Variants in RBFOX3 observed in about 807,000 individuals in gnomAD.
The protein encoded by RBFOX3 is RNA binding fox-1 homolog 3, also known as RNA binding protein fox-1 homolog 3.
In RBFOX3, 17 loss-of-function variants were observed where a neutral mutation model predicts 48.7. That is an observed-to-expected ratio of 0.35 (90% CI 0.24 to 0.52). The LOEUF is 0.52. Among genes scored for constraint, RBFOX3 ranks in the 20% least tolerant of loss-of-function variants. The pLI is 0.94. For synonymous variants in RBFOX3, 212 were observed against 209.5 expected (o/e 1.01, Z -0.10); for missense variants, 382 against 497.5 (o/e 0.77, Z 2.21).
intron 2 of RBFOX3, among the ~76,000 whole-genome samples, chr17:79,331,847 T>C (rs1260864403): frequency 6.6e-6 from 1 of 152,174 alleles, no homozygotes; most frequent in Non-Finnish European, 1.5e-5. Flanking sequence ...TTCGACTATT[T>C]TTCTCAATGC....
chr17:79,263,151 G>A (rs62062909), intron 3 of RBFOX3, among the ~76,000 whole-genome samples: 129 of 152,218 alleles, frequency 8.5e-4, no homozygotes, highest in Middle Eastern at 3.2e-3. Flanking sequence ...TGACCCAAGT[G>A]GATGCTGGGG....
intron 3 of RBFOX3, among the ~76,000 whole-genome samples, chr17:79,270,002 C>T (rs1293274031): frequency 6.6e-6 from 1 of 152,092 alleles, no homozygotes; most frequent in Non-Finnish European, 1.5e-5. Context: ...CTCCATTCAG[C>T]GAGCATCTGT....
intron 1 of RBFOX3, among the ~76,000 whole-genome samples, chr17:79,564,968 G>C (rs1367653843): frequency 6.7e-6 from 1 of 150,192 alleles, no homozygotes; most frequent in Non-Finnish European, 1.5e-5. Flanking sequence ...TTGAACCCGG[G>C]AGGCGGAGTT....
At chr17:79,512,604 G>C (rs1439976295) in intron 1 of RBFOX3, among the ~76,000 whole-genome samples, 1 of 138,018 alleles carries the variant, frequency 7.2e-6, no homozygotes, top group East Asian at 2.3e-4. Flanking sequence ...ACAGCCCCAT[G>C]GCCAGGGGAC....
chr17:79,278,823 G>C (rs752873392), intron 3 of RBFOX3, among the ~76,000 whole-genome samples: 1 of 152,234 alleles, frequency 6.6e-6, no homozygotes, highest in Non-Finnish European at 1.5e-5. Flanking sequence ...AAGGGACTTA[G>C]TGATCTCCTG....
chr17:79,277,327 T>G (rs1350458885), intron 3 of RBFOX3, among the ~76,000 whole-genome samples: 2 of 151,596 alleles, frequency 1.3e-5, no homozygotes, highest in Non-Finnish European at 2.9e-5. Context: ...GCTGCTCGAC[T>G]GGTACCTTAT....
chr17:79,390,036 T>C lies in RBFOX3; in HGVS notation c.-174-82212A>G, dbSNP rs55957419. On this transcript the variant is annotated intron_variant, in intron 2 of 14. Transcript: ENST00000693108. This position sits in a 1 kb window ranked among gnomAD's most constrained non-coding sequence, Gnocchi z 4.2. Reference sequence around the variant, plus strand: ...GGTCTCCGCAGCCTCCAGGTCTCCGTAGCCTCCAGGTCTCCGCAGCCGCCG... The same window carrying C: ...GGTCTCCGCAGCCTCCAGGTCTCCGCAGCCTCCAGGTCTCCGCAGCCGCCG... Among the ~76,000 whole-genome samples the C allele has an allele frequency of 0.27, 4,252 of 15,680 alleles. 82 individuals carry two copies. Among genetic ancestry groups the C allele is most frequent in the Non-Finnish European group, 0.34 (2,714 of 7,872 alleles). 10.3% of individuals were successfully genotyped at this position (15,680 alleles called of 152,430 possible). A position where few individuals can be genotyped will look rare whatever the true frequency, so the allele number is the denominator to read the frequency against.
intron 4 of RBFOX3, among the ~76,000 whole-genome samples, chr17:79,131,548 C>T (rs2038915373): frequency 6.6e-6 from 1 of 152,248 alleles, no homozygotes; most frequent in Admixed American, 6.5e-5. Flanking sequence ...TTCACGCTCA[C>T]TCCAACTCCA....
At position 79,257,193 on chromosome 17, in the gene RBFOX3, G is replaced by A. The variant is rs556572613; in HGVS notation, c.-73-21388C>T. Among the ~76,000 whole-genome samples the A allele has an allele frequency of 1.4e-4, 21 of 152,202 alleles. 1 individual carries two copies. The East Asian group carries it at 2.1e-3, about 15-fold the overall frequency. ...GGGAAGTGACTGTCCTGGGGCCTCC[G>A]GGGACTCCTGTGAGTCCCTCTGCCA... On this transcript the variant is annotated intron_variant, in intron 3 of 14. Transcript: ENST00000693108.
chr17:79,520,189 G>A (rs1252275994), intron 1 of RBFOX3, among the ~76,000 whole-genome samples: 1 of 152,232 alleles, frequency 6.6e-6, no homozygotes, highest in African/African-American at 2.4e-5. Flanking sequence ...TGTGGAGTGG[G>A]GCTCACCGGG....
chr17:79,327,799 G>A (rs1169554342), intron 2 of RBFOX3, among the ~76,000 whole-genome samples: 3 of 152,102 alleles, frequency 2.0e-5, no homozygotes, highest in Non-Finnish European at 2.9e-5. Context: ...GGGTTCAAGC[G>A]ATTCTCCTGC....
chr17:79,559,056 G>A (rs1486844757), intron 1 of RBFOX3, among the ~76,000 whole-genome samples: 1 of 152,172 alleles, frequency 6.6e-6, no homozygotes. Context: ...GGCTGGTCTC[G>A]GGCCTGGGAA....
chr17:79,106,824 T>G (rs1448770176), intron 5 of RBFOX3, 36 bp from the exon 6 acceptor site: 3 of 1,486,026 alleles, frequency 2.0e-6, no homozygotes, highest in Non-Finnish European at 2.7e-6. Flanking sequence ...AGGCTGCCTC[T>G]GTGTGCGGGG....
intron 2 of RBFOX3, among the ~76,000 whole-genome samples, chr17:79,381,192 G>A (rs901789087): frequency 1.1e-4 from 16 of 152,042 alleles, no homozygotes; most frequent in African/African-American, 2.4e-4. Flanking sequence ...GCTGGGAGGC[G>A]GAGGTTGCAA....
the RBFOX3 span, among the ~76,000 whole-genome samples, chr17:79,616,530 C>T: frequency 1.4e-5 from 2 of 147,514 alleles, no homozygotes; most frequent in Non-Finnish European, 3.0e-5. Context: ...AGCAAGACTC[C>T]ATCTCAAGAA....
At chr17:79,148,068 C>T (rs556304677) in intron 4 of RBFOX3, among the ~76,000 whole-genome samples, 24 of 152,180 alleles carry the variant, frequency 1.6e-4, no homozygotes, top group Non-Finnish European at 2.5e-4. Flanking sequence ...ACCAAGATTT[C>T]CTCACCGTGG....
intron 4 of RBFOX3, among the ~76,000 whole-genome samples, chr17:79,194,742 C>CTGTGGGTGTGTGTGTG (rs1555599548): frequency 2.0e-5 from 1 of 50,816 alleles, no homozygotes; most frequent in African/African-American, 8.9e-5. Flanking sequence ...GAGACACTCC[C>CTGTGGGTGTGTGTGTG]TGTGTGTGTG....
At chr17:79,327,293 C>A (rs576599290) in intron 2 of RBFOX3, among the ~76,000 whole-genome samples, 46 of 152,330 alleles carry the variant, frequency 3.0e-4, no homozygotes, top group Admixed American at 5.2e-4. Context: ...TTCACACCTC[C>A]CTGGGAAGGG....
chr17:79,575,534 T>C (rs1185123994), intron 1 of RBFOX3, among the ~76,000 whole-genome samples: 1 of 152,172 alleles, frequency 6.6e-6, no homozygotes, highest in Non-Finnish European at 1.5e-5. Flanking sequence ...GTTTTGAATA[T>C]AGTAGTGACA....
Sources: gnomAD v4.1 joint callset for allele counts (sites outside exome capture counted in the v4.1 genomes callset) on GRCh38, gnomAD v4.1.1 for gene constraint, Gnocchi (gnomAD v3.1) non-coding constraint, MANE v1.5 for transcripts, NCBI Gene and HGNC (gene_info 2026-07-23, HGNC 2026-07-21) for gene names.